ZNF727: variants seen among roughly 807,000 people sequenced by gnomAD.
The protein encoded by ZNF727 is putative zinc finger protein 727.
A neutral mutation model predicts 11.5 loss-of-function variants in ZNF727; 11 were observed. That is an observed-to-expected ratio of 0.95 (90% CI 0.60 to 1.58). ZNF727 has a LOEUF of 1.58. Among genes scored for constraint, ZNF727 ranks in the 40% most tolerant of loss-of-function variants. The probability of loss-of-function intolerance (pLI) is 0.00; values close to 1 mark genes in which losing one functional copy is unlikely to be tolerated. For missense variants in ZNF727, 533 were observed against 581.7 expected (o/e 0.92, Z 0.86); for synonymous variants, 171 against 196.1 (o/e 0.87, Z 1.07).
rs1291405619 is a variant in ZNF727 at position 64,079,065 on chromosome 7, G to T, written c.*516G>T. 6.6e-6 allele frequency among the ~76,000 whole-genome samples: 1 copy of T among 151,820 alleles called. No homozygotes were observed. The highest frequency in any genetic ancestry group is 1.5e-5 in the Non-Finnish European group (1 of 67,928). ...CACAAGAGAATTCATATGGAAGAGG[G>T]ACCTTACAAATGCGAAGAATGTGGC... On this transcript the variant is annotated 3_prime_UTR_variant, in exon 4 of 4. Transcript: ENST00000456806.
At chr7:64,060,518 G>A (rs1359400056) in intron 1 of ZNF727, among the ~76,000 whole-genome samples, 2 of 152,172 alleles carry the variant, frequency 1.3e-5, no homozygotes, top group African/African-American at 2.4e-5. Context: ...AGAGCAATCA[G>A]CCATTCCAGC....
intron 2 of ZNF727, among the ~76,000 whole-genome samples, chr7:64,069,277 C>A (rs1417835743): frequency 2.0e-5 from 3 of 151,550 alleles, no homozygotes; most frequent in African/African-American, 4.8e-5. Flanking sequence ...ATATTGTTAC[C>A]CACTCCTAAA....
Position 64,045,733 on chromosome 7 carries a change from G to A in ZNF727, c.3+109G>A, listed in dbSNP as rs1789491315. 5.7e-5 allele frequency: 80 copies of A among 1,414,022 alleles called. No homozygotes were observed. In the South Asian group the frequency reaches 9.3e-4, roughly 16 times the overall value. The allele number at this position is 1,414,022 out of a possible 1,614,324, so 87.6% of individuals were successfully genotyped here. On this transcript the variant is annotated intron_variant, in intron 1 of 3. Coordinates refer to ENST00000456806, the MANE Select transcript of ZNF727 (RefSeq NM_001159522.3). The stretch of plus-strand genomic sequence containing the variant: ...TCGCGGTCAGCTCTGCAGCAGCTCC[G>A]AGTCCCCGTGGGCACAGTTCAGTCC...
chr7:64,053,335 T>G (rs1789632006), intron 1 of ZNF727, among the ~76,000 whole-genome samples: 1 of 152,150 alleles, frequency 6.6e-6, no homozygotes, highest in Non-Finnish European at 1.5e-5. Context: ...TTGATTTTTC[T>G]TTGGAGACAG....
intron 1 of ZNF727, among the ~76,000 whole-genome samples, chr7:64,062,685 A>AATATATATATATATATGTATATATATAT (rs1789790426): frequency 1.1e-5 from 1 of 89,980 alleles, no homozygotes; most frequent in African/African-American, 3.6e-5. Flanking sequence ...CTTGTACTTG[A>AATATATATATATATATGTATATATATAT]ATATATATAT....
intron 1 of ZNF727, among the ~76,000 whole-genome samples, chr7:64,049,489 T>C (rs6971749): frequency 0.022 from 3,329 of 152,128 alleles, 120 homozygotes; most frequent in African/African-American, 0.073. Context: ...ACAATAGTTT[T>C]AGTTATTATA....
Position 64,078,082 on chromosome 7 carries a change from T to A in ZNF727, c.1033T>A (p.Cys345Ser). The stretch of plus-strand genomic sequence containing the variant: ...AGAGAAACCCTACATTTGTGAAGAA[T>A]GTGGCAAAGCCTTTACCTACTCCTC... The part of the protein sequence containing the change: ...TGEKPYICEE[C>S]GKAFTYSSTL... Residue 345 changes from cysteine to serine, a missense_variant, in exon 4 of 4, where the codon TGT (cysteine) becomes AGT (serine). Physicochemically the swap from Cys to Ser is moderately radical, Grantham distance 112 (BLOSUM62 -1). This residue lies in a region of ZNF727 where 463 missense variants were observed against 494.5 expected (regional missense o/e 0.94). Transcript: ENST00000456806. The A allele has an allele frequency of 6.2e-7, 1 of 1,611,704 alleles. No individual in the cohort carries two copies. Among genetic ancestry groups the A allele is most frequent in the Non-Finnish European group, 8.5e-7 (1 of 1,178,896 alleles).
At chr7:64,067,575 A>C (rs1677678360) in intron 1 of ZNF727, among the ~76,000 whole-genome samples, 1 of 152,206 alleles carries the variant, frequency 6.6e-6, no homozygotes, top group Non-Finnish European at 1.5e-5. Flanking sequence ...GAATGAGTTC[A>C]TGTTCTTTGC....
chr7:64,080,162 T>TG lies in ZNF727; in HGVS notation c.*1617dup, dbSNP rs1204451509. ...ATGACCTTCTCGTGGGGTATATTAT[T>TG]GGGGTTCTCCACATTTCTTGCCTTT... On this transcript the variant is annotated 3_prime_UTR_variant, in exon 4 of 4. Coordinates refer to ENST00000456806, the MANE Select transcript of ZNF727 (RefSeq NM_001159522.3). Among the ~76,000 whole-genome samples, 1 of 152,144 alleles carries TG rather than the reference T, an allele frequency of 6.6e-6. No individual in the cohort carries two copies. Among genetic ancestry groups the TG allele is most frequent in the Admixed American group, 6.5e-5 (1 of 15,276 alleles).
At chr7:64,045,720 C>T (rs1789490947) in intron 1 of ZNF727, 96 bp downstream of exon 1, 2 of 1,494,570 alleles carry the variant, frequency 1.3e-6, no homozygotes, top group African/African-American at 2.8e-5. Context: ...GCGGTCAGCT[C>T]TGCAGCAGCT....
At chr7:64,063,531 T>A (rs551301922) in intron 1 of ZNF727, among the ~76,000 whole-genome samples, 66 of 152,118 alleles carry the variant, frequency 4.3e-4, no homozygotes, top group African/African-American at 1.1e-3. Context: ...GGTGTAACAC[T>A]AGCACCCCTG....
Position 64,077,378 on chromosome 7 carries a change from C to G in ZNF727, c.329C>G (p.Thr110Ser). ...AAATCTGGAAGCTGTGACCTTAATA[C>G]TTTACGTTTAAAGAAAGACTACCAA... ...LRKSGSCDLN[T>S]LRLKKDYQRV... The change falls in exon 4 of 4, where the codon ACT becomes AGT. Residue 110 changes from threonine to serine, a missense_variant. Around this residue, in one of 3 missense-constraint regions of ZNF727, gnomAD observed 463 missense variants for 494.5 expected, o/e 0.94. Transcript: ENST00000456806. 6.4e-7 allele frequency: 1 copy of G among 1,551,544 alleles called. No homozygotes were observed. The highest frequency in any genetic ancestry group is 2.4e-5 in the East Asian group (1 of 40,876).
chr7:64,053,444 C>A (rs1406644020), intron 1 of ZNF727, among the ~76,000 whole-genome samples: 2 of 152,158 alleles, frequency 1.3e-5, no homozygotes, highest in Admixed American at 6.5e-5. Flanking sequence ...CCTCAGCCTC[C>A]TGAGTAGCCA....
chr7:64,062,470 C>T (rs1313929936), intron 1 of ZNF727, among the ~76,000 whole-genome samples: 3 of 151,484 alleles, frequency 2.0e-5, no homozygotes, highest in African/African-American at 7.3e-5. Flanking sequence ...TCCTTCAGTA[C>T]ATTAAGTATG....
chr7:64,046,089 C>T (rs1212653699), intron 1 of ZNF727, among the ~76,000 whole-genome samples: 4 of 152,184 alleles, frequency 2.6e-5, no homozygotes, highest in East Asian at 3.9e-4. Context: ...GATTTCGGCT[C>T]ACTGCAGCCT....
intron 3 of ZNF727, among the ~76,000 whole-genome samples, chr7:64,074,888 A>G (rs1260318199): frequency 6.6e-6 from 1 of 152,022 alleles, no homozygotes; most frequent in Non-Finnish European, 1.5e-5. Flanking sequence ...TTTCTTAATA[A>G]CCATTATTTT....
intron 1 of ZNF727, among the ~76,000 whole-genome samples, chr7:64,064,737 G>A (rs186348236): frequency 6.6e-6 from 1 of 152,240 alleles, no homozygotes; most frequent in African/African-American, 2.4e-5. Context: ...TTACTGAAAT[G>A]GACACTTCCT....
chr7:64,064,452 G>A (rs1789831530), intron 1 of ZNF727, among the ~76,000 whole-genome samples: 1 of 152,116 alleles, frequency 6.6e-6, no homozygotes, highest in East Asian at 1.9e-4. Flanking sequence ...TACTGTGGCT[G>A]AGATGATGTC....
chr7:64,071,982 A>G (rs763211685), intron 3 of ZNF727, among the ~76,000 whole-genome samples: 12 of 152,120 alleles, frequency 7.9e-5, no homozygotes, highest in Non-Finnish European at 1.8e-4. Flanking sequence ...TTATTACAAT[A>G]GCCTTCAAAT....
Sources: allele counts gnomAD v4.1 joint callset (sites outside exome capture counted in the v4.1 genomes callset), GRCh38; gene constraint gnomAD v4.1.1; regional missense constraint gnomAD v4.1.1; transcripts MANE v1.5; gene names NCBI Gene and HGNC (gene_info 2026-07-23, HGNC 2026-07-21).